Variants in TEC observed in about 807,000 individuals in gnomAD.
The protein encoded by TEC is tyrosine-protein kinase Tec.
Under a neutral mutation model 93.0 loss-of-function variants are expected in TEC, and 72 were observed. The ratio of observed to expected loss-of-function variants is 0.77; its 90% CI spans 0.64 to 0.94. The LOEUF is 0.94. Among genes scored for constraint, TEC ranks in the 40% least tolerant of loss-of-function variants. The pLI is 0.00. For missense variants in TEC, 630 were observed against 757.9 expected (o/e 0.83, Z 1.98); for synonymous variants, 249 against 247.7 (o/e 1.01, Z -0.05).
intron 1 of TEC, among the ~76,000 whole-genome samples, chr4:48,262,675 C>T (rs1176801425): frequency 1.3e-5 from 2 of 152,124 alleles, no homozygotes; most frequent in East Asian, 3.9e-4. Flanking sequence ...TCAAAGACTT[C>T]GTTTAGAAAA....
chr4:48,235,703 T>C (rs1185914180), intron 1 of TEC, among the ~76,000 whole-genome samples: 1 of 152,160 alleles, frequency 6.6e-6, no homozygotes, highest in Non-Finnish European at 1.5e-5. Context: ...AAGCAGACCA[T>C]AGGGGAATCC....
At chr4:48,207,909 C>G (rs1722770012) in intron 2 of TEC, among the ~76,000 whole-genome samples, 1 of 152,088 alleles carries the variant, frequency 6.6e-6, no homozygotes, top group Non-Finnish European at 1.5e-5. Flanking sequence ...TGTATAAATC[C>G]TAATAGAAGA....
Position 48,138,836 on chromosome 4 carries a change from A to T in TEC, c.1655-14T>A. ...ACATTAAAACACCTGGAAAAGGATA[A>T]GGATTACCAAATGGATGTATCCACT... On this transcript the variant is annotated splice_polypyrimidine_tract_variant and intron_variant, in intron 16 of 17. Coordinates refer to ENST00000381501, the MANE Select transcript of TEC (RefSeq NM_003215.3). 6.2e-7 allele frequency: 1 copy of T among 1,613,406 alleles called. No individual in the cohort carries two copies. Among genetic ancestry groups the T allele is most frequent in the Non-Finnish European group, 8.5e-7 (1 of 1,179,408 alleles).
intron 1 of TEC, among the ~76,000 whole-genome samples, chr4:48,262,437 T>A (rs1385362859): frequency 2.0e-5 from 3 of 152,036 alleles, no homozygotes; most frequent in Non-Finnish European, 4.4e-5. Flanking sequence ...CTTCAAGTGA[T>A]CCACCTGCCT....
intron 1 of TEC, among the ~76,000 whole-genome samples, chr4:48,254,960 G>A (rs373461442): frequency 1.3e-5 from 2 of 152,300 alleles, no homozygotes. Flanking sequence ...AAGTAGGCAC[G>A]AAGGCCAAAA....
chr4:48,266,405 G>A (rs1346896523), intron 1 of TEC, among the ~76,000 whole-genome samples: 1 of 152,216 alleles, frequency 6.6e-6, no homozygotes, highest in Non-Finnish European at 1.5e-5. Context: ...GTAGGCTCAG[G>A]AACAGCTTCT....
intron 2 of TEC, among the ~76,000 whole-genome samples, chr4:48,180,338 G>A (rs1459867094): frequency 6.6e-6 from 1 of 152,078 alleles, no homozygotes; most frequent in Non-Finnish European, 1.5e-5. Context: ...CAACCCAACT[G>A]GGCAACAAGC....
chr4:48,150,848 G>T lies in TEC; in HGVS notation c.872+15C>A. 6.7e-7 allele frequency: 1 copy of T among 1,489,048 alleles called. No individual in the cohort carries two copies. The highest frequency in any genetic ancestry group is 2.4e-5 in the East Asian group (1 of 42,346). 92.2% of individuals were successfully genotyped at this position (1,489,048 alleles called of 1,614,324 possible). A position where few individuals can be genotyped will look rare whatever the true frequency, so the allele number is the denominator to read the frequency against. On this transcript the variant is annotated intron_variant, in intron 10 of 17. Transcript: ENST00000381501. ...AAAACTCTAAATTATAAAAAAAAAT[G>T]GCAGGATTACTCACCCTCCAAACTT...
chr4:48,168,565 C>A (rs939505585), intron 6 of TEC, 21 bp downstream of exon 6: 2 of 1,611,028 alleles, frequency 1.2e-6, no homozygotes, highest in African/African-American at 2.7e-5. Flanking sequence ...GATTAACTAT[C>A]AAAAGCTAAA....
At chr4:48,199,092 T>TA (rs948250269) in intron 2 of TEC, among the ~76,000 whole-genome samples, 1 of 152,198 alleles carries the variant, frequency 6.6e-6, no homozygotes, top group African/African-American at 2.4e-5. Flanking sequence ...AACTGAGACT[T>TA]AGAAAGTTTC....
At chr4:48,170,595 G>A (rs763461679) in intron 4 of TEC, among the ~76,000 whole-genome samples, 42 of 152,120 alleles carry the variant, frequency 2.8e-4, no homozygotes, top group Non-Finnish European at 5.1e-4. Flanking sequence ...AATGACTGCT[G>A]CTACACCAAT....
chr4:48,155,206 T>C (rs1032755197), intron 9 of TEC, among the ~76,000 whole-genome samples: 2 of 152,236 alleles, frequency 1.3e-5, no homozygotes, highest in Admixed American at 6.5e-5. Flanking sequence ...ATATGTTTTA[T>C]GGGAATGAAC....
intron 2 of TEC, among the ~76,000 whole-genome samples, chr4:48,186,063 T>G (rs932281711): frequency 2.0e-5 from 3 of 152,224 alleles, no homozygotes; most frequent in African/African-American, 7.2e-5. Context: ...TTCGCCATGT[T>G]GGCCGGGCTG....
At chr4:48,213,738 G>C (rs1156735570) in intron 2 of TEC, among the ~76,000 whole-genome samples, 1 of 152,124 alleles carries the variant, frequency 6.6e-6, no homozygotes, top group Non-Finnish European at 1.5e-5. Flanking sequence ...TCCACATCTA[G>C]TTTGGGGGAG....
chr4:48,157,811 T>C (rs1720463134), intron 8 of TEC, among the ~76,000 whole-genome samples: 1 of 152,182 alleles, frequency 6.6e-6, no homozygotes, highest in African/African-American at 2.4e-5. Context: ...CCACCATGCC[T>C]GGCCCTGTAC....
At chr4:48,213,234 T>G (rs1260138727) in intron 2 of TEC, among the ~76,000 whole-genome samples, 1 of 152,208 alleles carries the variant, frequency 6.6e-6, no homozygotes, top group African/African-American at 2.4e-5. Flanking sequence ...ATTTTGCAAT[T>G]TCACCTCAGT....
Position 48,269,824 on chromosome 4 carries a change from C to G in TEC, c.-118G>C, listed in dbSNP as rs1724748193. On this transcript the variant is annotated 5_prime_UTR_variant, in exon 1 of 18. Transcript: ENST00000381501. ...CAGTCTGCGCCGCGGAGTCCGGAGC[C>G]TAGCGCCCCAGAGTCCAGAGCAAAG... 6.6e-6 allele frequency: 1 copy of G among 152,094 alleles called. No individual in the cohort carries two copies. Among genetic ancestry groups the G allele is most frequent in the Non-Finnish European group, 1.5e-5 (1 of 67,990 alleles). The allele number at this position is 152,094 out of a possible 1,614,324, so 9.4% of individuals were successfully genotyped here.
At chr4:48,145,357 G>C (rs146004552) in intron 13 of TEC, 51 bp downstream of exon 13, 232 of 1,611,460 alleles carry the variant, frequency 1.4e-4, no homozygotes, top group Middle Eastern at 1.3e-3. Context: ...TTTTGGTAAG[G>C]GGCCACTTCT....
At chr4:48,215,388 T>A (rs1239997722) in intron 2 of TEC, among the ~76,000 whole-genome samples, 1 of 152,110 alleles carries the variant, frequency 6.6e-6, no homozygotes, top group Non-Finnish European at 1.5e-5. Flanking sequence ...GCATCTATAA[T>A]CCCAGCTACC....
Sources: allele counts gnomAD v4.1 joint callset (sites outside exome capture counted in the v4.1 genomes callset), GRCh38; gene constraint gnomAD v4.1.1; transcripts MANE v1.5; gene names NCBI Gene and HGNC (gene_info 2026-07-23, HGNC 2026-07-21).